Variants in FOXJ3 observed in about 807,000 individuals in gnomAD.
FOXJ3 encodes the protein forkhead box protein J3.
A neutral mutation model predicts 76.1 loss-of-function variants in FOXJ3; 22 were observed. The ratio of observed to expected loss-of-function variants is 0.29; its 90% CI spans 0.21 to 0.41. The LOEUF (loss-of-function observed/expected upper bound fraction) is 0.41, where lower values mean the gene tolerates loss of function less well. Among genes scored for constraint, FOXJ3 ranks in the 10% least tolerant of loss-of-function variants. The probability of loss-of-function intolerance (pLI) is 1.00; values close to 1 mark genes in which losing one functional copy is unlikely to be tolerated. For synonymous variants in FOXJ3, 269 were observed against 261.2 expected (o/e 1.03, Z -0.29); for missense variants, 613 against 762.1 (o/e 0.80, Z 2.30).
At chr1:42,230,340 A>C (rs60790980) in intron 4 of FOXJ3, among the ~76,000 whole-genome samples, 4,294 of 152,256 alleles carry the variant, frequency 0.028, 203 homozygotes, top group African/African-American at 0.099. Context: ...ATCAAAAAAA[A>C]CAGAAAATAG....
At chr1:42,226,925 T>C (rs1227198053) in intron 5 of FOXJ3, among the ~76,000 whole-genome samples, 1 of 152,232 alleles carries the variant, frequency 6.6e-6, no homozygotes, top group Admixed American at 6.5e-5. Context: ...TTGACAAGCA[T>C]TTACTCCATT....
At chr1:42,205,905 T>C in intron 5 of FOXJ3, 42 bp from the exon 6 acceptor site, 1 of 1,163,950 alleles carries the variant, frequency 8.6e-7, no homozygotes, top group Non-Finnish European at 1.3e-6. Context: ...AGCTCATATA[T>C]CCAGCAACTT....
At chr1:42,261,347 G>T (rs1476299478) in intron 4 of FOXJ3, among the ~76,000 whole-genome samples, 2 of 151,948 alleles carry the variant, frequency 1.3e-5, no homozygotes, top group Non-Finnish European at 2.9e-5. Context: ...AAACAAATCT[G>T]TCCCCAAAAA....
intron 2 of FOXJ3, among the ~76,000 whole-genome samples, chr1:42,294,317 T>C (rs771785684): frequency 7.2e-5 from 11 of 152,248 alleles, no homozygotes; most frequent in Non-Finnish European, 1.0e-4. Flanking sequence ...AATGTTGTAC[T>C]ATACTTTGTC....
intron 4 of FOXJ3, among the ~76,000 whole-genome samples, chr1:42,262,594 A>G (rs537321635): frequency 6.6e-6 from 1 of 152,338 alleles, no homozygotes; most frequent in South Asian, 2.1e-4. Flanking sequence ...CACGCCTGTA[A>G]TCCCAGCACT....
intron 11 of FOXJ3, 109 bp downstream of exon 11, chr1:42,188,628 T>C (rs1037198270): frequency 6.6e-6 from 4 of 602,580 alleles, no homozygotes; most frequent in African/African-American, 5.7e-5. Flanking sequence ...TAAAAATTTG[T>C]AAACAGATCA....
chr1:42,206,995 T>C (rs925044816), intron 5 of FOXJ3, among the ~76,000 whole-genome samples: 3 of 152,062 alleles, frequency 2.0e-5, no homozygotes, highest in African/African-American at 7.2e-5. Flanking sequence ...CACACCTGGC[T>C]AATTTTTGTA....
Position 42,191,611 on chromosome 1 carries a change from C to T in FOXJ3, c.1043G>A (p.Ser348Asn). Residue 348 changes from serine (S) to asparagine (N), a missense_variant, in exon 9 of 13, where the codon AGC (serine) becomes AAC (asparagine). By Grantham distance (46) the Ser-to-Asn change is conservative. Coordinates refer to ENST00000361346, the MANE Select transcript of FOXJ3 (RefSeq NM_014947.5). The part of the protein sequence containing the change: ...VSTHPHSNQS[S>N]LSNSHGSGLN... ...GCCACTGCCATGACTGTTGGACAGG[C>T]TGCTTTGGTTGCTGTGTGGGTGAGT... 1 of 1,614,168 alleles carries T rather than the reference C, an allele frequency of 6.2e-7. No individual in the cohort carries two copies. Among genetic ancestry groups the T allele is most frequent in the Non-Finnish European group, 8.5e-7 (1 of 1,180,028 alleles).
intron 8 of FOXJ3, among the ~76,000 whole-genome samples, chr1:42,192,192 T>C (rs1470260012): frequency 6.6e-6 from 1 of 152,182 alleles, no homozygotes; most frequent in African/African-American, 2.4e-5. Context: ...AAATCTCGAC[T>C]GGCTAATAGT....
At chr1:42,335,310 A>T (rs997350275), upstream of FOXJ3, 2 of 152,002 alleles carry the variant, frequency 1.3e-5, no homozygotes, top group African/African-American at 2.4e-5. Flanking sequence ...GCCCGGCGTC[A>T]GCGGCGTCAA....
chr1:42,299,568 CTG>C (rs1472480711), intron 2 of FOXJ3, among the ~76,000 whole-genome samples: 1 of 147,852 alleles, frequency 6.8e-6, no homozygotes, highest in Non-Finnish European at 1.5e-5. Context: ...ATTTGCCACT[CTG>C]TATGTTTTAA....
chr1:42,314,561 T>C (rs1654999464), intron 1 of FOXJ3, among the ~76,000 whole-genome samples: 1 of 152,158 alleles, frequency 6.6e-6, no homozygotes. Flanking sequence ...CCTCAGTCTC[T>C]TTCTTTTCAC....
chr1:42,249,006 G>C (rs1649796384), intron 4 of FOXJ3, among the ~76,000 whole-genome samples: 1 of 151,936 alleles, frequency 6.6e-6, no homozygotes, highest in Non-Finnish European at 1.5e-5. Flanking sequence ...TGTGGTGTTT[G>C]GTTTTCTGTT....
intron 1 of FOXJ3, among the ~76,000 whole-genome samples, chr1:42,324,400 T>C (rs1237473596): frequency 6.8e-6 from 1 of 147,810 alleles, no homozygotes; most frequent in Non-Finnish European, 1.5e-5. Flanking sequence ...ATACTATATA[T>C]ACTATATATA....
chr1:42,260,319 C>T (rs541431867), intron 4 of FOXJ3, among the ~76,000 whole-genome samples: 1 of 151,976 alleles, frequency 6.6e-6, no homozygotes, highest in East Asian at 1.9e-4. Context: ...ACTAATATAG[C>T]CCCCCCAAAA....
Position 42,181,952 on chromosome 1 carries a change from G to C in FOXJ3, c.1718C>G (p.Pro573Arg), listed in dbSNP as rs756642627. The change falls in exon 12 of 13, where the codon CCA becomes CGA. Residue 573 changes from proline (P) to arginine (R), a missense_variant. This residue lies in a region of FOXJ3 where 526 missense variants were observed against 601.4 expected (regional missense o/e 0.87). Coordinates refer to ENST00000361346, the MANE Select transcript of FOXJ3 (RefSeq NM_014947.5). ...TGTTCCTGGAGTGCTGAGTGCCTGT[G>C]GGATATGAGGATAACCAGGGGGTGG... ...VMPPPGYPHI[P>R]QALSTPGTTM... 3 of 1,613,194 alleles carry C rather than the reference G, an allele frequency of 1.9e-6. No homozygotes were observed. Among genetic ancestry groups the C allele is most frequent in the Non-Finnish European group, 2.5e-6 (3 of 1,179,436 alleles).
At position 42,291,095 on chromosome 1, in the gene FOXJ3, C is replaced by CAGACAGACAGACAGAT. The variant is rs373400153; in HGVS notation, c.45-12424_45-12423insATCTGTCTGTCTGTCT. Reference sequence around the variant, plus strand: ...ATAGATAGATAGATAGACAGACAGACAGACAGATAGATCCACAGTCACTTA... The same window carrying CAGACAGACAGACAGAT: ...ATAGATAGATAGATAGACAGACAGACAGACAGACAGACAGATAGACAGATAGATCCACAGTCACTTA... On this transcript the variant is annotated intron_variant, in intron 2 of 12. Coordinates refer to ENST00000361346, the MANE Select transcript of FOXJ3 (RefSeq NM_014947.5). 5.5e-3 allele frequency among the ~76,000 whole-genome samples: 796 copies of CAGACAGACAGACAGAT among 145,232 alleles called. 12 individuals are homozygous for CAGACAGACAGACAGAT. Among genetic ancestry groups the CAGACAGACAGACAGAT allele is most frequent in the African/African-American group, 0.017 (642 of 38,788 alleles).
At chr1:42,253,997 A>C (rs369083930) in intron 4 of FOXJ3, among the ~76,000 whole-genome samples, 32 of 151,052 alleles carry the variant, frequency 2.1e-4, no homozygotes, top group East Asian at 9.8e-4. Context: ...TCTGCACAGC[A>C]AAAGAAACTA....
At chr1:42,270,311 ATTGT>A (rs1215711114) in intron 3 of FOXJ3, among the ~76,000 whole-genome samples, 1 of 152,152 alleles carries the variant, frequency 6.6e-6, no homozygotes, top group East Asian at 1.9e-4. Flanking sequence ...CACCTTTGCA[ATTGT>A]TTGTTTAATG....
Sources: allele counts gnomAD v4.1 joint callset (sites outside exome capture counted in the v4.1 genomes callset), GRCh38; gene constraint gnomAD v4.1.1; regional missense constraint gnomAD v4.1.1; transcripts MANE v1.5; gene names NCBI Gene and HGNC (gene_info 2026-07-23, HGNC 2026-07-21).